TCERG1L: variants seen among roughly 807,000 people sequenced by gnomAD.
TCERG1L encodes the protein transcription elongation regulator 1-like protein.
In TCERG1L, 37 loss-of-function variants were observed where a neutral mutation model predicts 56.3. The ratio of observed to expected loss-of-function variants is 0.66; its 90% CI spans 0.51 to 0.87. The LOEUF (loss-of-function observed/expected upper bound fraction) is 0.87, where lower values mean the gene tolerates loss of function less well. Ranked by LOEUF, TCERG1L falls within the 40% of genes least tolerant of loss-of-function variation. The pLI, the probability that TCERG1L is intolerant of heterozygous loss-of-function variation, is 0.00. For missense variants in TCERG1L, 799 were observed against 774.2 expected, an observed-to-expected ratio of 1.03 and a Z score of -0.38; for synonymous variants, 324 against 326.3, an observed-to-expected ratio of 0.99 and a Z score of 0.08.
intron 9 of TCERG1L, among the ~76,000 whole-genome samples, chr10:131,109,762 G>A (rs1845392282): frequency 6.6e-6 from 1 of 152,134 alleles, no homozygotes. Flanking sequence ...CTCTCTCCCT[G>A]GGCACGCCGG....
Position 131,311,568 on chromosome 10 carries a change from T to G in TCERG1L, c.68A>C (p.Gln23Pro). 2 of 1,116,860 alleles carry G rather than the reference T, an allele frequency of 1.8e-6. No individual in the cohort carries two copies. Among genetic ancestry groups the G allele is most frequent in the Non-Finnish European group, 1.1e-6 (1 of 918,972 alleles). 69.2% of individuals were successfully genotyped at this position (1,116,860 alleles called of 1,614,324 possible). A position where few individuals can be genotyped will look rare whatever the true frequency, so the allele number is the denominator to read the frequency against. Residue 23 changes from glutamine to proline, a missense_variant, in exon 1 of 12, where the codon CAG becomes CCG. By Grantham distance (76) the Gln-to-Pro change is moderately conservative. Transcript: ENST00000368642. The surrounding 1 kb of genome is among the most constrained non-coding windows in gnomAD (Gnocchi z 4.0). ...QLQQQQPRRR[Q>P]PLLWPMDAEP... ...TGCGTCCATCGGCCAGAGGAGAGGCTGCCGCCGCCGGGGCTGCTGCTGCTG... is the reference window on the plus strand; with the variant it reads ...TGCGTCCATCGGCCAGAGGAGAGGCGGCCGCCGCCGGGGCTGCTGCTGCTG...
rs960439711 is a variant in TCERG1L at position 131,260,309 on chromosome 10, A to T, written c.806T>A (p.Phe269Tyr). The change falls in exon 4 of 12, where the codon TTC becomes TAC. Residue 269 changes from phenylalanine (F) to tyrosine (Y), a missense_variant. Physicochemically the swap from Phe to Tyr is conservative, Grantham distance 22. Transcript: ENST00000368642. This position sits in a 1 kb window ranked among gnomAD's most constrained non-coding sequence, Gnocchi z 5.8. Reference protein sequence around the residue: ...PSPSSVQPRHFLTLAPIKIPL... With the variant: ...PSPSSVQPRHYLTLAPIKIPL... ...TATTTTGATGGGTGCCAAGGTCAGG[A>T]AGTGGCGCGGCTGCACGCTGGAGGG... 2.1e-6 allele frequency: 3 copies of T among 1,444,890 alleles called. No individual in the cohort carries two copies. Among genetic ancestry groups the T allele is most frequent in the Non-Finnish European group, 2.7e-6 (3 of 1,099,746 alleles). The allele number at this position is 1,444,890 out of a possible 1,614,324, so 89.5% of individuals were successfully genotyped here.
Position 131,285,433 on chromosome 10 carries a change from G to A in TCERG1L, c.670+22778C>T, listed in dbSNP as rs1317903497. Among the ~76,000 whole-genome samples, 22 of 143,856 alleles carry A rather than the reference G, an allele frequency of 1.5e-4. 1 individual carries two copies. Among genetic ancestry groups the A allele is most frequent in the Non-Finnish European group, 2.9e-4 (19 of 66,200 alleles). The allele number at this position is 143,856 out of a possible 152,430, so 94.4% of individuals were successfully genotyped here. A position where few individuals can be genotyped will look rare whatever the true frequency, so the allele number is the denominator to read the frequency against. ...AAGGAAAGAGAGAGAGAGAGAAAGA[G>A]AGAAAGAGAAACAAAGAAAGAGAGA... is the stretch of plus-strand genomic sequence containing the variant. On this transcript the variant is annotated intron_variant, in intron 3 of 11. Transcript: ENST00000368642.
At chr10:131,217,114 C>T (rs1845677874) in intron 4 of TCERG1L, among the ~76,000 whole-genome samples, 1 of 152,164 alleles carries the variant, frequency 6.6e-6, no homozygotes, top group South Asian at 2.1e-4. Context: ...AATCTCATGA[C>T]AGATTGTGAT....
At chr10:131,199,842 G>A (rs542592835) in intron 4 of TCERG1L, among the ~76,000 whole-genome samples, 14 of 152,250 alleles carry the variant, frequency 9.2e-5, no homozygotes, top group East Asian at 1.9e-4. Flanking sequence ...GCCACCCCTC[G>A]TTCTCTTTCG....
At chr10:131,250,494 G>A (rs75609416) in intron 4 of TCERG1L, among the ~76,000 whole-genome samples, 2,782 of 133,170 alleles carry the variant, frequency 0.021, 86 homozygotes, top group African/African-American at 0.077. Context: ...AATGGTGGCC[G>A]GTATATCCTA....
In TCERG1L at chr10:131,112,073, G is replaced by A. The variant is rs1279696522; in HGVS notation, c.1395+4726C>T. Among the ~76,000 whole-genome samples, 5 of 142,606 alleles carry A rather than the reference G, an allele frequency of 3.5e-5. 2 individuals are homozygous for A. The highest frequency in any genetic ancestry group is 6.3e-5 in the Non-Finnish European group (4 of 63,280). 93.6% of individuals were successfully genotyped at this position (142,606 alleles called of 152,430 possible). On this transcript the variant is annotated intron_variant, in intron 9 of 11. Transcript: ENST00000368642. ...TCAGGAAAATTGACCAAAGGCCTCC[G>A]CTGGGGCTGTAGAAGTTCAAGACCC...
chr10:131,243,764 G>C (rs1007549680), intron 4 of TCERG1L, among the ~76,000 whole-genome samples: 3 of 152,206 alleles, frequency 2.0e-5, no homozygotes, highest in Admixed American at 2.0e-4. Context: ...CAAAATGGCA[G>C]ATGACCTGAT....
intron 3 of TCERG1L, among the ~76,000 whole-genome samples, chr10:131,262,599 T>C (rs191451468): frequency 1.3e-5 from 2 of 152,320 alleles, no homozygotes; most frequent in African/African-American, 2.4e-5. Flanking sequence ...TTGTGAATAT[T>C]TGGCATCAGC....
intron 3 of TCERG1L, among the ~76,000 whole-genome samples, chr10:131,305,893 T>G (rs1265603967): frequency 2.7e-5 from 4 of 150,656 alleles, no homozygotes; most frequent in Admixed American, 6.6e-5. Context: ...TGCATATATT[T>G]GTAAATGCAT....
Position 131,254,335 on chromosome 10 carries a change from T to G in TCERG1L, c.856+5924A>C, listed in dbSNP as rs1012602857. ...TATATATATATAGTAAGTATTGATT[T>G]ATTTATTTATTTTTATTTACTTATT... On this transcript the variant is annotated intron_variant, in intron 4 of 11. Coordinates refer to ENST00000368642, the MANE Select transcript of TCERG1L (RefSeq NM_174937.4). Among the ~76,000 whole-genome samples, 26 of 138,348 alleles carry G rather than the reference T, an allele frequency of 1.9e-4. 3 individuals are homozygous for G. Among genetic ancestry groups the G allele is most frequent in the Middle Eastern group, 7.9e-3 (2 of 254 alleles). 90.8% of individuals were successfully genotyped at this position (138,348 alleles called of 152,430 possible). A position where few individuals can be genotyped will look rare whatever the true frequency, so the allele number is the denominator to read the frequency against.
At chr10:131,309,034 T>C (rs1207246483) in intron 2 of TCERG1L, 119 bp downstream of exon 2, 7 of 1,143,728 alleles carry the variant, frequency 6.1e-6, no homozygotes, top group Admixed American at 3.1e-5. Flanking sequence ...TTTATTTCTA[T>C]ACCTAGATGG....
At chr10:131,128,521 A>C (rs1264347813) in intron 8 of TCERG1L, among the ~76,000 whole-genome samples, 1 of 152,096 alleles carries the variant, frequency 6.6e-6, no homozygotes, top group East Asian at 1.9e-4. Flanking sequence ...AATCGACTAA[A>C]ACATCAGCTG....
intron 4 of TCERG1L, among the ~76,000 whole-genome samples, chr10:131,257,636 G>A (rs899304703): frequency 6.6e-6 from 1 of 152,060 alleles, no homozygotes; most frequent in African/African-American, 2.4e-5. Flanking sequence ...CTATACTTTG[G>A]GCCAGATGAT....
chr10:131,166,451 T>A (rs80087400), intron 5 of TCERG1L, among the ~76,000 whole-genome samples: 1 of 152,184 alleles, frequency 6.6e-6, no homozygotes, highest in Non-Finnish European at 1.5e-5. Context: ...TTAGAATGAG[T>A]GTGTTGGCTC....
chr10:131,250,553 A>G (rs549724945), intron 4 of TCERG1L, among the ~76,000 whole-genome samples: 2 of 152,274 alleles, frequency 1.3e-5, no homozygotes, highest in African/African-American at 2.4e-5. Context: ...GGAGACACAC[A>G]TGGGTTGTGA....
At chr10:131,157,807 C>T (rs1845939435) in intron 6 of TCERG1L, among the ~76,000 whole-genome samples, 1 of 152,192 alleles carries the variant, frequency 6.6e-6, no homozygotes, top group African/African-American at 2.4e-5. Context: ...CCTTTAACCT[C>T]CTTAAAATAC....
intron 4 of TCERG1L, among the ~76,000 whole-genome samples, chr10:131,235,721 T>C (rs563320092): frequency 3.9e-5 from 6 of 152,024 alleles, no homozygotes; most frequent in Non-Finnish European, 5.9e-5. Flanking sequence ...ACCAACCAAA[T>C]AGATCTGTAC....
At chr10:131,285,372 CAA>C (rs199924932) in intron 3 of TCERG1L, among the ~76,000 whole-genome samples, 2,118 of 73,116 alleles carry the variant, frequency 0.029, 42 homozygotes, top group East Asian at 0.12. Context: ...AAGACTCTGT[CAA>C]AAAAAAAAAG....
Sources: allele counts gnomAD v4.1 joint callset (sites outside exome capture counted in the v4.1 genomes callset), GRCh38; gene constraint gnomAD v4.1.1; non-coding constraint Gnocchi (gnomAD v3.1); transcripts MANE v1.5; gene names NCBI Gene and HGNC (gene_info 2026-07-23, HGNC 2026-07-21).